Variants in C2orf76 observed in about 807,000 individuals in gnomAD.
C2orf76 encodes UPF0538 protein C2orf76.
C2orf76 carries 23 observed loss-of-function variants against 16.9 expected under a neutral mutation model. That is an observed-to-expected ratio of 1.36 (90% CI 0.98 to 1.93). The LOEUF is 1.93. C2orf76 is among the 30% of genes most tolerant of loss of function. C2orf76 has a pLI of 0.00. For synonymous variants in C2orf76, 48 were observed against 52.3 expected, an observed-to-expected ratio of 0.92 and a Z score of 0.35; for missense variants, 152 against 152.6, an observed-to-expected ratio of 1.00 and a Z score of 0.02.
At chr2:119,305,587 C>A (rs1334623968) in intron 5 of C2orf76, among the ~76,000 whole-genome samples, 1 of 151,904 alleles carries the variant, frequency 6.6e-6, no homozygotes, top group African/African-American at 2.4e-5. Context: ...AGAAAATCCA[C>A]AATCTTGGAA....
chr2:119,353,453 C>T (rs986878905), intron 1 of C2orf76, among the ~76,000 whole-genome samples: 1 of 151,650 alleles, frequency 6.6e-6, no homozygotes, highest in African/African-American at 2.4e-5. Context: ...AATTTTAACT[C>T]TTGGATGGAG....
intron 2 of C2orf76, among the ~76,000 whole-genome samples, chr2:119,326,675 G>GT (rs1385757647): frequency 1.8e-4 from 27 of 152,048 alleles, no homozygotes; most frequent in Admixed American, 4.6e-4. Context: ...CATCTTAACA[G>GT]TTTTGAGTTT....
At chr2:119,363,746 C>T (rs887999382) in intron 1 of C2orf76, among the ~76,000 whole-genome samples, 7 of 152,176 alleles carry the variant, frequency 4.6e-5, no homozygotes, top group African/African-American at 9.7e-5. Context: ...CTTGCCAGGG[C>T]GAGGCACAGT....
chr2:119,366,529 G>A (rs1242784586), intron 1 of C2orf76: 3 of 470,998 alleles, frequency 6.4e-6, no homozygotes, highest in Admixed American at 2.3e-5. Flanking sequence ...ATCTCCGGGG[G>A]TCTCCTCTAG....
rs145400999 is a variant in C2orf76, at chr2:119,338,484, T to G, written c.133+1343A>C. On this transcript the variant is annotated intron_variant, in intron 2 of 5. Transcript: ENST00000334816. ...CTTTGTCTTGTCACTTCTCTAAAAT[T>G]TTACTGTTCTTTGTTGAGGATGCTA... 2.4e-3 allele frequency among the ~76,000 whole-genome samples: 370 copies of G among 152,218 alleles called. 3 individuals are homozygous for G. The highest frequency in any genetic ancestry group is 8.6e-3 in the African/African-American group (356 of 41,530).
chr2:119,336,524 T>C (rs1679851760), intron 2 of C2orf76, among the ~76,000 whole-genome samples: 3 of 152,022 alleles, frequency 2.0e-5, no homozygotes, highest in Admixed American at 1.3e-4. Context: ...GCTGTGATTC[T>C]CAATGGGGAA....
chr2:119,311,705 TAAA>T lies in C2orf76; in HGVS notation c.223-5_223-3del. 3.8e-6 allele frequency: 5 copies of T among 1,315,292 alleles called. No individual in the cohort carries two copies. Among genetic ancestry groups the T allele is most frequent in the Middle Eastern group, 1.9e-4 (1 of 5,200 alleles). The allele number at this position is 1,315,292 out of a possible 1,614,324, so 81.5% of individuals were successfully genotyped here. On this transcript the variant is annotated splice_region_variant and splice_polypyrimidine_tract_variant and intron_variant, in intron 4 of 5. Transcript: ENST00000334816. ...CAAACTCAACACAAGTTCATTTGTC[TAAA>T]AAAAAAAAAGAAAATCTGCATTTTA...
intron 2 of C2orf76, among the ~76,000 whole-genome samples, chr2:119,322,807 G>A (rs991628895): frequency 1.3e-5 from 2 of 149,160 alleles, no homozygotes; most frequent in African/African-American, 4.9e-5. Context: ...TAAAAAGGGG[G>A]TAAAATGAGA....
At chr2:119,294,289 G>A in the C2orf76 span, among the ~76,000 whole-genome samples, 264 of 152,296 alleles carry the variant, frequency 1.7e-3, no homozygotes, top group Non-Finnish European at 3.2e-3. Context: ...GTGGCAACAG[G>A]AACCTTTGGT....
intron 1 of C2orf76, among the ~76,000 whole-genome samples, chr2:119,360,477 CAAA>C (rs770401400): frequency 1.5e-5 from 1 of 66,924 alleles, no homozygotes. Flanking sequence ...AACTCTGTCT[CAAA>C]AAAAAAAAAA....
intron 4 of C2orf76, among the ~76,000 whole-genome samples, chr2:119,316,540 C>T (rs1679178507): frequency 6.6e-6 from 1 of 152,188 alleles, no homozygotes; most frequent in African/African-American, 2.4e-5. Flanking sequence ...CAATGGTCAA[C>T]AGACATAGCC....
the C2orf76 span, among the ~76,000 whole-genome samples, chr2:119,281,623 G>A: frequency 2.0e-5 from 3 of 152,142 alleles, no homozygotes; most frequent in Non-Finnish European, 4.4e-5. Flanking sequence ...CTATATAAGC[G>A]TTTGCTAAAT....
At chr2:119,329,390 A>G (rs1382349161) in intron 2 of C2orf76, among the ~76,000 whole-genome samples, 1 of 151,952 alleles carries the variant, frequency 6.6e-6, no homozygotes, top group African/African-American at 2.4e-5. Context: ...TTCTATTCTT[A>G]CTTGATTTTT....
the C2orf76 span, among the ~76,000 whole-genome samples, chr2:119,291,777 G>A: frequency 5.3e-5 from 8 of 152,174 alleles, 1 homozygote; most frequent in South Asian, 1.5e-3. Context: ...TTCTCTCTGC[G>A]CGATGGGATT....
rs1277150527 is a variant in C2orf76 at position 119,358,623 on chromosome 2, G to C, written c.-13+8167C>G. 4.7e-5 allele frequency among the ~76,000 whole-genome samples: 7 copies of C among 150,530 alleles called. No homozygotes were observed. In the Middle Eastern group the frequency reaches 0.011, roughly 230 times the overall value. ...GGCAAAACAGCCTGTCGCTGATATG[G>C]AGAAAGTCTGAGTGCTCTGGATAGA... On this transcript the variant is annotated intron_variant, in intron 1 of 5. Transcript: ENST00000334816.
At chr2:119,325,807 A>G (rs1679492230) in intron 2 of C2orf76, among the ~76,000 whole-genome samples, 1 of 152,042 alleles carries the variant, frequency 6.6e-6, no homozygotes, top group South Asian at 2.1e-4. Flanking sequence ...CCATTTCACT[A>G]AAGACTAATG....
intron 1 of C2orf76, among the ~76,000 whole-genome samples, chr2:119,349,000 C>T (rs1268329027): frequency 6.6e-6 from 1 of 152,148 alleles, no homozygotes; most frequent in Non-Finnish European, 1.5e-5. Flanking sequence ...AAAAACAAAA[C>T]AAAACAAAAA....
intron 5 of C2orf76, among the ~76,000 whole-genome samples, chr2:119,306,623 T>TA (rs112523649): frequency 1.5e-3 from 218 of 147,120 alleles, no homozygotes; most frequent in African/African-American, 4.9e-3. Context: ...AAATAACACT[T>TA]AAAAAAAAAA....
Position 119,359,760 on chromosome 2 carries a change from GAAAGC to G in C2orf76, c.-13+7025_-13+7029del, listed in dbSNP as rs1265559257. On this transcript the variant is annotated intron_variant, in intron 1 of 5. Transcript: ENST00000334816. The stretch of plus-strand genomic sequence containing the variant: ...GAGTTACTTCTTATGAATGAGCAAA[GAAAGC>G]AGTTTCTTGAGACAGAATCTACTCC... 8.5e-5 allele frequency among the ~76,000 whole-genome samples: 13 copies of G among 152,330 alleles called. No homozygotes were observed. The East Asian group carries it at 2.5e-3, about 29-fold the overall frequency.
Sources: gnomAD v4.1 joint callset for allele counts (sites outside exome capture counted in the v4.1 genomes callset) on GRCh38, gnomAD v4.1.1 for gene constraint, MANE v1.5 for transcripts, NCBI Gene and HGNC (gene_info 2026-07-23, HGNC 2026-07-21) for gene names.